RASL12: variants seen among roughly 807,000 people sequenced by gnomAD.
The protein encoded by RASL12 is ras-like protein family member 12.
In RASL12, 16 loss-of-function variants were observed where a neutral mutation model predicts 22.9. The observed-to-expected ratio is 0.70, with a 90% CI of 0.47 to 1.06. The LOEUF is 1.06. Among genes scored for constraint, RASL12 ranks in the 50% least tolerant of loss-of-function variants. The probability of loss-of-function intolerance (pLI) is 0.00; values close to 1 mark genes in which losing one functional copy is unlikely to be tolerated. For synonymous variants in RASL12, 159 were observed against 152.2 expected, an observed-to-expected ratio of 1.04 and a Z score of -0.33; for missense variants, 306 against 353.1, an observed-to-expected ratio of 0.87 and a Z score of 1.07.
rs1285893350 is a variant in RASL12, at chr15:65,054,373, C to T, written c.*526G>A. ...TTGGATAAACTGTGGGGTTTGTAGCCTGGGCCTTCTGTGAAGTCAGCAGAT... is the reference window on the plus strand; with the variant it reads ...TTGGATAAACTGTGGGGTTTGTAGCTTGGGCCTTCTGTGAAGTCAGCAGAT... On this transcript the variant is annotated 3_prime_UTR_variant, in exon 5 of 5. Transcript: ENST00000220062. The T allele has an allele frequency of 1.0e-6, 1 of 986,778 alleles. No homozygotes were observed. The highest frequency in any genetic ancestry group is 1.2e-6 in the Non-Finnish European group (1 of 831,032). 61.1% of individuals were successfully genotyped at this position (986,778 alleles called of 1,614,324 possible).
intron 2 of RASL12, among the ~76,000 whole-genome samples, chr15:65,060,525 T>A (rs1401692562): frequency 1.3e-5 from 2 of 152,220 alleles, no homozygotes; most frequent in African/African-American, 4.8e-5. Context: ...GTTCTCATGA[T>A]CTCAAATCTG....
upstream of RASL12, among the ~76,000 whole-genome samples, chr15:65,072,593 G>C (rs948003169): frequency 2.0e-5 from 3 of 152,150 alleles, no homozygotes; most frequent in Admixed American, 6.5e-5. Context: ...CCTTAGAATA[G>C]GTGGCAAGAG....
rs896460241 is a variant in RASL12 at position 65,053,875 on chromosome 15, C to T, written c.*1024G>A. ...AGCCATGGTGTCTTGGTATAAGCTG[C>T]GGTGACACCACCAAATAACATAAGC... is the stretch of plus-strand genomic sequence containing the variant. On this transcript the variant is annotated 3_prime_UTR_variant, in exon 5 of 5. Coordinates refer to ENST00000220062, the MANE Select transcript of RASL12 (RefSeq NM_016563.4). 1.0e-5 allele frequency: 10 copies of T among 985,862 alleles called. No homozygotes were observed. Among genetic ancestry groups the T allele is most frequent in the African/African-American group, 1.7e-5 (1 of 57,350 alleles). 61.1% of individuals were successfully genotyped at this position (985,862 alleles called of 1,614,324 possible).
chr15:65,053,980 GGGTCCTGCCAAACCAGATGACAAAC>G lies in RASL12; in HGVS notation c.*894_*918del, dbSNP rs1312800975. ...ACTCAGACTCATTGCTGAGGGTCCT[GGGTCCTGCCAAACCAGATGACAAAC>G]GGGTATACTGTGTTTCTACCTGCAG... On this transcript the variant is annotated 3_prime_UTR_variant, in exon 5 of 5. Coordinates refer to ENST00000220062, the MANE Select transcript of RASL12 (RefSeq NM_016563.4). 4.1e-6 allele frequency: 4 copies of G among 985,738 alleles called. No homozygotes were observed. The highest frequency in any genetic ancestry group is 4.8e-6 in the Non-Finnish European group (4 of 829,958). 61.1% of individuals were successfully genotyped at this position (985,738 alleles called of 1,614,324 possible). A position where few individuals can be genotyped will look rare whatever the true frequency, so the allele number is the denominator to read the frequency against.
chr15:65,070,660 G>A (rs942693269), upstream of RASL12, among the ~76,000 whole-genome samples: 3 of 152,216 alleles, frequency 2.0e-5, no homozygotes, highest in African/African-American at 7.2e-5. Context: ...GTCTAGACAC[G>A]TAGGGCCTGT....
chr15:65,066,216 G>C (rs1168480404), intron 1 of RASL12, among the ~76,000 whole-genome samples: 2 of 150,958 alleles, frequency 1.3e-5, no homozygotes, highest in Non-Finnish European at 3.0e-5. Flanking sequence ...AGGAAGAAAA[G>C]AGAAAGAAAC....
At chr15:65,062,327 C>G (rs2086818652) in intron 2 of RASL12, among the ~76,000 whole-genome samples, 1 of 152,194 alleles carries the variant, frequency 6.6e-6, no homozygotes, top group Admixed American at 6.5e-5. Flanking sequence ...CTTACACAGC[C>G]AGAGCACAGG....
At chr15:65,051,565 A>C, downstream of RASL12, 1 of 1,613,610 alleles carries the variant, frequency 6.2e-7, no homozygotes, top group Non-Finnish European at 8.5e-7. Flanking sequence ...GGTGGTCATT[A>C]TAAGCATGGT....
In RASL12 at chr15:65,053,795, C is replaced by A. The variant is rs556564168; in HGVS notation, c.*1104G>T. On this transcript the variant is annotated 3_prime_UTR_variant, in exon 5 of 5. Coordinates refer to ENST00000220062, the MANE Select transcript of RASL12 (RefSeq NM_016563.4). ...CAACTACCACACTGCCTGCCTTGGA[C>A]AGCCTTTTCTTGCTAACAGTGGGAT... The A allele has an allele frequency of 1.9e-5, 19 of 986,202 alleles. No homozygotes were observed. The South Asian group carries it at 8.0e-4, about 41-fold the overall frequency. 61.1% of individuals were successfully genotyped at this position (986,202 alleles called of 1,614,324 possible). A position where few individuals can be genotyped will look rare whatever the true frequency, so the allele number is the denominator to read the frequency against.
chr15:65,047,759 T>A, the RASL12 span, among the ~76,000 whole-genome samples: 1 of 150,940 alleles, frequency 6.6e-6, no homozygotes, highest in Non-Finnish European at 1.5e-5. Flanking sequence ...GATGGGTAGG[T>A]AGGCAGATAG....
rs146186397 is a variant in RASL12 at position 65,055,063 on chromosome 15, G to T, written c.637C>A (p.Arg213=). The part of the protein sequence containing the change: ...ALPHQAPLTA[R]HGLASCTFNT... ...AAGGTGCAGCTGGCCAGCCCATGCC[G>T]CGCGGTGAGCGGGGCCTGGTGGGGC... is the stretch of plus-strand genomic sequence containing the variant. Residue 213 remains arginine, a synonymous_variant, in exon 5 of 5, where the codon CGG becomes AGG. Coordinates refer to ENST00000220062, the MANE Select transcript of RASL12 (RefSeq NM_016563.4). 5.3e-5 allele frequency: 86 copies of T among 1,612,852 alleles called. No individual in the cohort carries two copies. The highest frequency in any genetic ancestry group is 7.1e-5 in the Non-Finnish European group (84 of 1,179,606).
At chr15:65,072,781 T>C (rs1382213820), upstream of RASL12, among the ~76,000 whole-genome samples, 2 of 152,108 alleles carry the variant, frequency 1.3e-5, no homozygotes, top group Admixed American at 6.6e-5. Flanking sequence ...TGTGAGAGGA[T>C]TGAACCATAT....
chr15:65,073,899 A>G (rs1378922358), intron 1 of RASL12, among the ~76,000 whole-genome samples: 3 of 152,158 alleles, frequency 2.0e-5, no homozygotes, highest in Admixed American at 6.5e-5. Context: ...AGTGTTAGCT[A>G]TTATTATTTC....
At chr15:65,076,165 G>A (rs753551377) in intron 1 of RASL12, among the ~76,000 whole-genome samples, 11 of 152,204 alleles carry the variant, frequency 7.2e-5, no homozygotes, top group South Asian at 2.1e-4. Flanking sequence ...CAGGCTACCC[G>A]AGCCAGCAGT....
intron 4 of RASL12, among the ~76,000 whole-genome samples, chr15:65,057,162 C>T (rs1386574830): frequency 6.6e-6 from 1 of 152,222 alleles, no homozygotes; most frequent in Non-Finnish European, 1.5e-5. Flanking sequence ...GGTCCCACAC[C>T]TCTCTTTTTC....
chr15:65,060,431 A>C (rs2086787768), intron 2 of RASL12, among the ~76,000 whole-genome samples: 1 of 152,260 alleles, frequency 6.6e-6, no homozygotes, highest in Non-Finnish European at 1.5e-5. Context: ...ATGAGCAAAA[A>C]GAAATTTACA....
intron 2 of RASL12, among the ~76,000 whole-genome samples, chr15:65,062,033 A>G (rs1371349761): frequency 6.7e-6 from 1 of 149,602 alleles, no homozygotes; most frequent in South Asian, 2.1e-4. Context: ...GTGAGCCGAG[A>G]TTGCGCCACT....
In RASL12 at chr15:65,054,718, C is replaced by G. The variant is rs2086702339; in HGVS notation, c.*181G>C. 2 of 1,429,194 alleles carry G rather than the reference C, an allele frequency of 1.4e-6. No individual in the cohort carries two copies. The highest frequency in any genetic ancestry group is 2.5e-5 in the East Asian group (1 of 40,016). 88.5% of individuals were successfully genotyped at this position (1,429,194 alleles called of 1,614,324 possible). ...CATGAAGACCAAGGCCTGGAGGGAA[C>G]AGAAGCAGCATCCCTGCCTGCCACT... On this transcript the variant is annotated 3_prime_UTR_variant, in exon 5 of 5. Transcript: ENST00000220062.
chr15:65,074,468 A>C (rs1189299013), intron 1 of RASL12, among the ~76,000 whole-genome samples: 2 of 151,852 alleles, frequency 1.3e-5, no homozygotes, highest in Admixed American at 1.3e-4. Context: ...AGCTCGGCTC[A>C]CTGCAACTTC....
Sources: gnomAD v4.1 joint callset for allele counts (sites outside exome capture counted in the v4.1 genomes callset) on GRCh38, gnomAD v4.1.1 for gene constraint, MANE v1.5 for transcripts, NCBI Gene and HGNC (gene_info 2026-07-23, HGNC 2026-07-21) for gene names.